Variants in ZNF644 observed in about 807,000 individuals in gnomAD.
The protein encoded by ZNF644 is zinc finger protein 644.
ZNF644 carries 20 observed loss-of-function variants against 108.0 expected under a neutral mutation model. The observed-to-expected ratio is 0.19, with a 90% CI of 0.13 to 0.27. ZNF644 has a LOEUF of 0.27. Ranked by LOEUF, ZNF644 falls within the 10% of genes least tolerant of loss-of-function variation. The probability of loss-of-function intolerance (pLI) is 1.00; values close to 1 mark genes in which losing one functional copy is unlikely to be tolerated. For synonymous variants in ZNF644, 542 were observed against 539.1 expected, an observed-to-expected ratio of 1.01 and a Z score of -0.08; for missense variants, 1,338 against 1,548.9, an observed-to-expected ratio of 0.86 and a Z score of 2.29.
intron 1 of ZNF644, among the ~76,000 whole-genome samples, chr1:91,011,622 A>T (rs1659966714): frequency 1.3e-5 from 2 of 152,188 alleles, no homozygotes; most frequent in South Asian, 4.1e-4. Flanking sequence ...ATCATGATCA[A>T]CAATTCTATT....
intron 2 of ZNF644, among the ~76,000 whole-genome samples, chr1:90,953,013 G>GA (rs371575306): frequency 0.024 from 2,236 of 94,122 alleles, 52 homozygotes; most frequent in African/African-American, 0.069. Context: ...TTAGACTGAG[G>GA]AAAAAAAAAA....
chr1:90,966,948 G>T (rs1378561157), intron 2 of ZNF644, among the ~76,000 whole-genome samples: 2 of 152,018 alleles, frequency 1.3e-5, no homozygotes, highest in African/African-American at 2.4e-5. Context: ...TAAAGTTAAT[G>T]CATGTCTGAC....
intron 2 of ZNF644, among the ~76,000 whole-genome samples, chr1:90,968,351 T>C (rs753982286): frequency 1.3e-5 from 2 of 152,180 alleles, no homozygotes; most frequent in Non-Finnish European, 2.9e-5. Flanking sequence ...TAGGCAACTT[T>C]TTGCCCCCAA....
chr1:90,983,429 A>C (rs1449814467), intron 1 of ZNF644, among the ~76,000 whole-genome samples: 2 of 151,566 alleles, frequency 1.3e-5, no homozygotes, highest in African/African-American at 4.8e-5. Flanking sequence ...ATTGCCCCAC[A>C]AAAGACTTCC....
At position 90,972,425 on chromosome 1, in the gene ZNF644, T is replaced by G. The variant is rs547700854; in HGVS notation, c.44+9885A>C. Among the ~76,000 whole-genome samples the G allele has an allele frequency of 9.2e-5, 14 of 152,244 alleles. No homozygotes were observed. In the East Asian group the frequency reaches 2.5e-3, roughly 27 times the overall value. On this transcript the variant is annotated intron_variant, in intron 2 of 5. Transcript: ENST00000337393. ...AGACAAATACAAATCAAAACCATAATGACACATCATAGCCACTATCAAAAA... is the reference window on the plus strand; with the variant it reads ...AGACAAATACAAATCAAAACCATAAGGACACATCATAGCCACTATCAAAAA...
chr1:90,939,357 C>T lies in ZNF644; in HGVS notation c.1997G>A (p.Gly666Glu). ...ALKQDVKRTF[G>E]STSQSSSFSK... Reference sequence around the variant, plus strand: ...AAAACTACTTGATTGTGAGGTTGATCCAAATGTTCGCTTCACATCTTGTTT... The same window carrying T: ...AAAACTACTTGATTGTGAGGTTGATTCAAATGTTCGCTTCACATCTTGTTT... Residue 666 changes from glycine to glutamate, a missense_variant, in exon 3 of 6, where the codon GGA (glycine) becomes GAA (glutamate). By Grantham distance (98) the Gly-to-Glu change is moderately conservative. Transcript: ENST00000337393. The T allele has an allele frequency of 1.2e-6, 2 of 1,613,978 alleles. No individual in the cohort carries two copies. Among genetic ancestry groups the T allele is most frequent in the Non-Finnish European group, 1.7e-6 (2 of 1,179,938 alleles).
rs551585804 is a variant in ZNF644, at chr1:90,980,096, T to C, written c.44+2214A>G. Among the ~76,000 whole-genome samples, 8 of 152,330 alleles carry C rather than the reference T, an allele frequency of 5.3e-5. No homozygotes were observed. In the East Asian group the frequency reaches 1.5e-3, roughly 29 times the overall value. ...ATTTGCCTGGGAGAACTCTTTTCAT[T>C]GGTCAATGTTTAACAAAACATTTAC... is the stretch of plus-strand genomic sequence containing the variant. On this transcript the variant is annotated intron_variant, in intron 2 of 5. Coordinates refer to ENST00000337393, the MANE Select transcript of ZNF644 (RefSeq NM_201269.3).
intron 2 of ZNF644, among the ~76,000 whole-genome samples, chr1:90,944,934 A>T (rs926863902): frequency 2.0e-5 from 3 of 152,194 alleles, no homozygotes; most frequent in African/African-American, 7.2e-5. Flanking sequence ...TTGATACAGA[A>T]TTTTAACATC....
At chr1:90,994,753 C>T (rs763944684) in intron 1 of ZNF644, among the ~76,000 whole-genome samples, 1 of 152,056 alleles carries the variant, frequency 6.6e-6, no homozygotes, top group Non-Finnish European at 1.5e-5. Flanking sequence ...AGTAAAATTC[C>T]GAGAAGCAAG....
intron 4 of ZNF644, among the ~76,000 whole-genome samples, chr1:90,929,733 T>C (rs942468826): frequency 6.6e-6 from 1 of 152,230 alleles, no homozygotes; most frequent in Non-Finnish European, 1.5e-5. Flanking sequence ...CACTTGATAC[T>C]GTGCTATATG....
intron 2 of ZNF644, among the ~76,000 whole-genome samples, chr1:90,977,087 TAAC>T (rs1303825928): frequency 6.6e-6 from 1 of 151,620 alleles, no homozygotes; most frequent in African/African-American, 2.4e-5. Flanking sequence ...GAATTAAGAC[TAAC>T]AACTGTAGCT....
At chr1:90,919,463 C>T (rs1649179818) in intron 4 of ZNF644, among the ~76,000 whole-genome samples, 1 of 152,050 alleles carries the variant, frequency 6.6e-6, no homozygotes, top group South Asian at 2.1e-4. Flanking sequence ...AGTCAAATGG[C>T]AATGATAACA....
chr1:90,995,306 T>C lies in ZNF644; in HGVS notation c.-17-12936A>G, dbSNP rs1658046235. 2.6e-5 allele frequency among the ~76,000 whole-genome samples: 4 copies of C among 151,986 alleles called. No homozygotes were observed. The South Asian group carries it at 8.3e-4, about 32-fold the overall frequency. ...TAGAGATAGCAGAAGAAAGAATTGG[T>C]GAGTTTGAAGACAGGGAAATAAAAC... On this transcript the variant is annotated intron_variant, in intron 1 of 5. Transcript: ENST00000337393.
At chr1:90,989,110 G>T (rs1439423991) in intron 1 of ZNF644, among the ~76,000 whole-genome samples, 2 of 152,088 alleles carry the variant, frequency 1.3e-5, no homozygotes, top group Non-Finnish European at 2.9e-5. Context: ...GAAAATATTT[G>T]CAAATCATGT....
At chr1:90,946,227 C>T (rs1652504203) in intron 2 of ZNF644, among the ~76,000 whole-genome samples, 1 of 152,216 alleles carries the variant, frequency 6.6e-6, no homozygotes, top group South Asian at 2.1e-4. Flanking sequence ...CTAGTGCACA[C>T]TTCAAGAGAA....
In ZNF644 at chr1:91,019,289, T is replaced by C. The variant is rs566636517; in HGVS notation, c.-18+2701A>G. On this transcript the variant is annotated intron_variant, in intron 1 of 5. Coordinates refer to ENST00000337393, the MANE Select transcript of ZNF644 (RefSeq NM_201269.3). ...ATTCGTTTATCCAACCAAAACACTA[T>C]TACAAAATGAAAGACACCATTATTT... Among the ~76,000 whole-genome samples, 3 of 152,320 alleles carry C rather than the reference T, an allele frequency of 2.0e-5. No individual in the cohort carries two copies. In the South Asian group the frequency reaches 6.2e-4, roughly 32 times the overall value.
At chr1:90,966,747 C>CAAAA (rs67549954) in intron 2 of ZNF644, among the ~76,000 whole-genome samples, 3 of 73,892 alleles carry the variant, frequency 4.1e-5, no homozygotes, top group African/African-American at 1.1e-4. Context: ...GACTCAGTCT[C>CAAAA]AAAAAAAAAA....
chr1:90,936,371 A>T (rs978332526), intron 4 of ZNF644, among the ~76,000 whole-genome samples: 10 of 152,306 alleles, frequency 6.6e-5, no homozygotes, highest in Admixed American at 6.5e-4. Flanking sequence ...CCTTCTGAAA[A>T]AATATTGAAA....
chr1:90,929,557 T>C (rs1351170638), intron 4 of ZNF644, among the ~76,000 whole-genome samples: 1 of 152,218 alleles, frequency 6.6e-6, no homozygotes, highest in African/African-American at 2.4e-5. Flanking sequence ...TGCAATACTA[T>C]ATTATTTTTA....
Sources: allele counts gnomAD v4.1 joint callset (sites outside exome capture counted in the v4.1 genomes callset), GRCh38; gene constraint gnomAD v4.1.1; transcripts MANE v1.5; gene names NCBI Gene and HGNC (gene_info 2026-07-23, HGNC 2026-07-21).